ADGRF1: variants seen among roughly 807,000 people sequenced by gnomAD.
ADGRF1 encodes the protein adhesion G protein-coupled receptor F1, also known as G protein-coupled receptor 110.
A neutral mutation model predicts 87.2 loss-of-function variants in ADGRF1; 85 were observed. The ratio of observed to expected loss-of-function variants is 0.97; its 90% CI spans 0.82 to 1.17. The LOEUF (loss-of-function observed/expected upper bound fraction) is 1.17, where lower values mean the gene tolerates loss of function less well. Among genes scored for constraint, ADGRF1 ranks in the 50% most tolerant of loss-of-function variants. ADGRF1 has a pLI of 0.00. For synonymous variants in ADGRF1, 430 were observed against 408.8 expected, an observed-to-expected ratio of 1.05 and a Z score of -0.63; for missense variants, 1,169 against 1,077.2, an observed-to-expected ratio of 1.09 and a Z score of -1.19.
In ADGRF1 at chr6:46,999,656, G is replaced by A. The variant is rs967610741; in HGVS notation, c.*566C>T. On this transcript the variant is annotated 3_prime_UTR_variant, in exon 15 of 15. Transcript: ENST00000371253. ...GGTTACAAAGCTATCTGAAATAGAAGTTTACATTTTATTTCTGATTAACTT... is the reference window on the plus strand; with the variant it reads ...GGTTACAAAGCTATCTGAAATAGAAATTTACATTTTATTTCTGATTAACTT... 6.6e-6 allele frequency: 1 copy of A among 152,468 alleles called. No individual in the cohort carries two copies. Among genetic ancestry groups the A allele is most frequent in the African/African-American group, 2.4e-5 (1 of 41,442 alleles). 9.4% of individuals were successfully genotyped at this position (152,468 alleles called of 1,614,324 possible). A position where few individuals can be genotyped will look rare whatever the true frequency, so the allele number is the denominator to read the frequency against.
rs1176509253 is a variant in ADGRF1, at chr6:47,026,004, C to T, written c.128-1G>A. ...AGCAGCTGATATTCTTCGACTGGGC[C>T]TAAAGAGAGAAAGAGAGTCAGAAAC... On this transcript the variant is annotated splice_acceptor_variant, in intron 3 of 14. Transcript: ENST00000371253. LOFTEE classifies it high-confidence loss of function. 3.8e-6 allele frequency: 6 copies of T among 1,571,222 alleles called. No individual in the cohort carries two copies. The highest frequency in any genetic ancestry group is 8.6e-7 in the Non-Finnish European group (1 of 1,157,328).
At chr6:47,032,490 T>C (rs1427501282) in intron 1 of ADGRF1, among the ~76,000 whole-genome samples, 1 of 152,252 alleles carries the variant, frequency 6.6e-6, no homozygotes, top group East Asian at 1.9e-4. Context: ...GGACATCCTA[T>C]ATTTGACAAC....
At chr6:47,006,027 T>C (rs1182773257) in intron 12 of ADGRF1, 151 bp from the exon 13 acceptor site, 3 of 535,064 alleles carry the variant, frequency 5.6e-6, no homozygotes, top group Admixed American at 3.7e-5. Flanking sequence ...AGAAAGATTA[T>C]TTTCTTCATC....
chr6:47,038,274 A>G (rs991126338), intron 1 of ADGRF1, among the ~76,000 whole-genome samples: 2 of 152,198 alleles, frequency 1.3e-5, no homozygotes, highest in Non-Finnish European at 2.9e-5. Flanking sequence ...TCTTAAGTTA[A>G]TTTAGGTTTT....
intron 1 of ADGRF1, among the ~76,000 whole-genome samples, chr6:47,036,742 A>G (rs74816726): frequency 0.016 from 2,454 of 152,314 alleles, 60 homozygotes; most frequent in African/African-American, 0.055. Context: ...ATTTTCTTAA[A>G]AAGTAAAAAT....
At chr6:47,004,093 T>C (rs1223021821) in intron 13 of ADGRF1, among the ~76,000 whole-genome samples, 3 of 152,142 alleles carry the variant, frequency 2.0e-5, no homozygotes, top group Non-Finnish European at 4.4e-5. Flanking sequence ...TCCCAACATA[T>C]GAACTTGTCA....
At chr6:47,028,844 G>GT (rs1275659297) in intron 2 of ADGRF1, 149 bp downstream of exon 2, 1 of 672,620 alleles carries the variant, frequency 1.5e-6, no homozygotes, top group Non-Finnish European at 2.7e-6. Flanking sequence ...GTGAATGTTG[G>GT]TAATGTTGAA....
chr6:47,010,180 C>CT lies in ADGRF1; in HGVS notation c.1254dup (p.Ala419SerfsTer12). ...TTCCGAGAAAAATTCAGAGGAAGAG[C>CT]TGTCGGAGGCACCAGAGTGCTGATG... On this transcript the variant is annotated frameshift_variant, in exon 11 of 15. Transcript: ENST00000371253. LOFTEE classifies it high-confidence loss of function. 2 of 1,614,130 alleles carry CT rather than the reference C, an allele frequency of 1.2e-6. No homozygotes were observed. Among genetic ancestry groups the CT allele is most frequent in the Non-Finnish European group, 1.7e-6 (2 of 1,180,026 alleles).
intron 8 of ADGRF1, among the ~76,000 whole-genome samples, chr6:47,015,308 A>C (rs1779836170): frequency 6.6e-6 from 1 of 152,242 alleles, no homozygotes; most frequent in African/African-American, 2.4e-5. Context: ...AGCATAGCTC[A>C]CATTGCAACC....
rs1779276320 is a variant in ADGRF1, at chr6:46,998,727, G to A, written c.*1495C>T. ...CCTCCTTCTCTCACTTTTGTGGGTA[G>A]GTAGAGTGAGAAGGCTCATAGAGCA... On this transcript the variant is annotated 3_prime_UTR_variant, in exon 15 of 15. Transcript: ENST00000371253. 6.6e-6 allele frequency: 1 copy of A among 152,244 alleles called. No homozygotes were observed. The highest frequency in any genetic ancestry group is 2.4e-5 in the African/African-American group (1 of 41,470). 9.4% of individuals were successfully genotyped at this position (152,244 alleles called of 1,614,324 possible). A position where few individuals can be genotyped will look rare whatever the true frequency, so the allele number is the denominator to read the frequency against.
intron 5 of ADGRF1, 139 bp from the exon 6 acceptor site, chr6:47,022,197 C>T (rs1181762710): frequency 1.8e-6 from 1 of 566,910 alleles, no homozygotes; most frequent in Non-Finnish European, 3.1e-6. Flanking sequence ...AAATGTTCAC[C>T]TAAAATAACA....
intron 14 of ADGRF1, 105 bp downstream of exon 14, chr6:47,001,396 C>A: frequency 1.1e-6 from 1 of 905,750 alleles, no homozygotes. Context: ...TAATCCCACA[C>A]TTCTCACATG....
At position 47,014,346 on chromosome 6, in the gene ADGRF1, T is replaced by A. The variant is rs1779797414; in HGVS notation, c.927+335A>T. ...TGACTCACACCTTCACTCTTCTCTT[T>A]AATTCCCAGGTCTTCTGGACTTCTG... is the stretch of plus-strand genomic sequence containing the variant. On this transcript the variant is annotated intron_variant, in intron 9 of 14. Coordinates refer to ENST00000371253, the MANE Select transcript of ADGRF1 (RefSeq NM_153840.4). The A allele has an allele frequency of 7.7e-6, 8 of 1,035,368 alleles. No individual in the cohort carries two copies. In the African/African-American group the frequency reaches 1.4e-4, roughly 18 times the overall value. The allele number at this position is 1,035,368 out of a possible 1,614,324, so 64.1% of individuals were successfully genotyped here.
intron 1 of ADGRF1, among the ~76,000 whole-genome samples, chr6:47,030,573 AAT>A (rs1261666492): frequency 1.9e-4 from 17 of 89,258 alleles, no homozygotes; most frequent in African/African-American, 5.9e-4. Flanking sequence ...TGATAACATG[AAT>A]ATGTGTGTGT....
Position 47,009,013 on chromosome 6 carries a change from T to C in ADGRF1, c.2422A>G (p.Ile808Val), listed in dbSNP as rs745549926. The C allele has an allele frequency of 6.8e-6, 11 of 1,613,992 alleles. No homozygotes were observed. Among genetic ancestry groups the C allele is most frequent in the Non-Finnish European group, 9.3e-6 (11 of 1,179,940 alleles). Residue 808 changes from isoleucine to valine, a missense_variant, in exon 11 of 15, where the codon ATA (isoleucine) becomes GTA (valine). Physicochemically the swap from Ile to Val is conservative, Grantham distance 29 (BLOSUM62 3). Coordinates refer to ENST00000371253, the MANE Select transcript of ADGRF1 (RefSeq NM_153840.4). The part of the protein sequence containing the change: ...PLLGLTWGFG[I>V]GTIVDSQNLA... ...TTCTGGCTGTCCACTATTGTTCCTA[T>C]TCCAAAGCCCCAGGTGAGCCCTAGC...
chr6:47,008,848 G>T, intron 11 of ADGRF1, 97 bp downstream of exon 11: 2 of 1,011,764 alleles, frequency 2.0e-6, no homozygotes, highest in Non-Finnish European at 2.9e-6. Flanking sequence ...GCTGGAGGCA[G>T]GGAGATGAGA....
intron 9 of ADGRF1, chr6:47,014,425 A>G: frequency 8.3e-7 from 1 of 1,202,828 alleles, no homozygotes; most frequent in Non-Finnish European, 1.0e-6. Context: ...CAGCAATGAT[A>G]CACTCCTCCA....
intron 14 of ADGRF1, among the ~76,000 whole-genome samples, chr6:47,000,561 C>T (rs1779333951): frequency 6.6e-6 from 1 of 152,072 alleles, no homozygotes; most frequent in African/African-American, 2.4e-5. Context: ...ATTGAGATCA[C>T]AATATGTTAT....
At position 47,024,215 on chromosome 6, in the gene ADGRF1, A is replaced by T; in HGVS notation, c.280T>A (p.Cys94Ser). 6.2e-7 allele frequency: 1 copy of T among 1,612,334 alleles called. No homozygotes were observed. The highest frequency in any genetic ancestry group is 8.5e-7 in the Non-Finnish European group (1 of 1,178,784). Residue 94 changes from cysteine to serine, a missense_variant and splice_region_variant, in exon 5 of 15, where the codon TGC becomes AGC. Cys to Ser is a moderately radical substitution (Grantham distance 112). Transcript: ENST00000371253. ...TGCAGGACTCCATTCAGGCTGTTGC[A>T]GTCTGCACAAGAAATAGAACTCAGT... ...RIIRAKATTDCNSLNGVLQCT... is the reference protein window; with the variant it reads ...RIIRAKATTDSNSLNGVLQCT...
Sources: gnomAD v4.1 joint callset for allele counts (sites outside exome capture counted in the v4.1 genomes callset) on GRCh38, gnomAD v4.1.1 for gene constraint, MANE v1.5 for transcripts, NCBI Gene and HGNC (gene_info 2026-07-23, HGNC 2026-07-21) for gene names.